CNPY1: variants seen among roughly 807,000 people sequenced by gnomAD.
CNPY1 encodes the protein canopy FGF signaling regulator 1.
Under a neutral mutation model 14.4 loss-of-function variants are expected in CNPY1, and 14 were observed. The observed-to-expected ratio is 0.97, with a 90% confidence interval of 0.64 to 1.52. The LOEUF is 1.52. Ranked by LOEUF, CNPY1 falls within the 40% of genes most tolerant of loss-of-function variation. The pLI, the probability that CNPY1 is intolerant of heterozygous loss-of-function variation, is 0.00. For missense variants in CNPY1, 129 were observed against 131.5 expected, an observed-to-expected ratio of 0.98 and a Z score of 0.09; for synonymous variants, 43 against 46.5, an observed-to-expected ratio of 0.92 and a Z score of 0.31.
At chr7:155,505,782 T>C (rs1469492174) in intron 4 of CNPY1, among the ~76,000 whole-genome samples, 1 of 152,246 alleles carries the variant, frequency 6.6e-6, no homozygotes, top group African/African-American at 2.4e-5. Context: ...TAAAAACATT[T>C]CCTGTGGGAA....
chr7:155,522,059 G>A (rs1018190727), intron 2 of CNPY1, among the ~76,000 whole-genome samples: 3 of 152,188 alleles, frequency 2.0e-5, no homozygotes, highest in Non-Finnish European at 4.4e-5. Flanking sequence ...GAACACGCAC[G>A]TGCACACACG....
chr7:155,546,438 C>T lies in CNPY1; in HGVS notation c.-24G>A, dbSNP rs1360484206. On this transcript the variant is annotated 5_prime_UTR_variant, in exon 1 of 5. Transcript: ENST00000636446. ...CAAGCCATCCTCCTACCTTGGCCTC[C>T]TGAATTGCTGGGATTACAAGTATCA... The T allele has an allele frequency of 2.5e-6, 1 of 398,210 alleles. No individual in the cohort carries two copies. The highest frequency in any genetic ancestry group is 4.4e-6 in the Non-Finnish European group (1 of 226,034). The allele number at this position is 398,210 out of a possible 1,614,324, so 24.7% of individuals were successfully genotyped here.
intron 2 of CNPY1, among the ~76,000 whole-genome samples, chr7:155,518,775 G>A (rs1796666855): frequency 6.6e-6 from 1 of 152,228 alleles, no homozygotes; most frequent in South Asian, 2.1e-4. Context: ...CCAGGTGGGA[G>A]AGTGGTGTCC....
chr7:155,510,470 C>T (rs533354721), intron 2 of CNPY1: 4 of 152,256 alleles, frequency 2.6e-5, no homozygotes, highest in East Asian at 1.9e-4. Flanking sequence ...TGCGCCTCCC[C>T]TGTGCACAGG....
At chr7:155,540,303 A>G (rs1007467664) in intron 2 of CNPY1, among the ~76,000 whole-genome samples, 4 of 152,200 alleles carry the variant, frequency 2.6e-5, no homozygotes, top group African/African-American at 9.6e-5. Flanking sequence ...TTGCCAAAGC[A>G]CCGTGCACTG....
At chr7:155,504,476 G>C (rs1017218608) in intron 4 of CNPY1, among the ~76,000 whole-genome samples, 3 of 151,912 alleles carry the variant, frequency 2.0e-5, no homozygotes, top group Admixed American at 6.5e-5. Flanking sequence ...TCTACATTAA[G>C]AAGAAAAAAA....
At chr7:155,529,232 G>A (rs978043383) in intron 2 of CNPY1, among the ~76,000 whole-genome samples, 6 of 152,244 alleles carry the variant, frequency 3.9e-5, no homozygotes, top group South Asian at 2.1e-4. Context: ...CCAGAAGTCC[G>A]ACGTTCTACG....
At position 155,545,661 on chromosome 7, in the gene CNPY1, T is replaced by C. The variant is rs191997430; in HGVS notation, c.99+170A>G. 2.5e-3 allele frequency among the ~76,000 whole-genome samples: 378 copies of C among 152,354 alleles called. 2 individuals carry two copies. The highest frequency in any genetic ancestry group is 4.8e-3 in the Non-Finnish European group (325 of 68,030). On this transcript the variant is annotated intron_variant, in intron 2 of 4. Transcript: ENST00000636446. ...TTAGGTGCTGAGAGAGATACTTCAATTTCAAGCTTAAAGATTACTTTGGGT... is the reference window on the plus strand; with the variant it reads ...TTAGGTGCTGAGAGAGATACTTCAACTTCAAGCTTAAAGATTACTTTGGGT...
intron 2 of CNPY1, among the ~76,000 whole-genome samples, chr7:155,544,014 G>C (rs1456674780): frequency 6.6e-6 from 1 of 152,236 alleles, no homozygotes; most frequent in African/African-American, 2.4e-5. Context: ...GAAAGCAGGG[G>C]AGGGTGTGGC....
intron 2 of CNPY1, among the ~76,000 whole-genome samples, chr7:155,534,293 A>G (rs116153775): frequency 0.035 from 5,378 of 152,084 alleles, 317 homozygotes; most frequent in African/African-American, 0.12. Flanking sequence ...ACACACACAC[A>G]CTCACACGTG....
chr7:155,523,590 C>T (rs982571249), intron 2 of CNPY1, among the ~76,000 whole-genome samples: 1 of 152,004 alleles, frequency 6.6e-6, no homozygotes, highest in Non-Finnish European at 1.5e-5. Context: ...TGGGTCGGTG[C>T]CCCCAACACC....
chr7:155,539,047 G>A (rs538325654), intron 2 of CNPY1, among the ~76,000 whole-genome samples: 56 of 152,160 alleles, frequency 3.7e-4, no homozygotes, highest in African/African-American at 1.2e-3. Context: ...TTTCTTTGTC[G>A]CTCCCCACCC....
chr7:155,542,047 G>A (rs553210759), intron 2 of CNPY1, among the ~76,000 whole-genome samples: 3 of 152,124 alleles, frequency 2.0e-5, no homozygotes, highest in Admixed American at 6.5e-5. Context: ...GCAGGGTCGG[G>A]GGGGCAGAAG....
At chr7:155,527,054 C>CTTTCTTTCTTTT (rs56296833) in intron 2 of CNPY1, among the ~76,000 whole-genome samples, 2,550 of 90,334 alleles carry the variant, frequency 0.028, 103 homozygotes, top group African/African-American at 0.065. Flanking sequence ...TTCTTTCTTT[C>CTTTCTTTCTTTT]TTTTTTTTTT....
chr7:155,503,726 G>T (rs967450391), intron 4 of CNPY1, among the ~76,000 whole-genome samples: 1 of 152,070 alleles, frequency 6.6e-6, no homozygotes, highest in African/African-American at 2.4e-5. Context: ...ATCTTCATAC[G>T]CTGCATTTGA....
At position 155,533,576 on chromosome 7, in the gene CNPY1, G is replaced by T. The variant is rs139753297; in HGVS notation, c.99+12255C>A. On this transcript the variant is annotated intron_variant, in intron 2 of 4. Coordinates refer to ENST00000636446, the MANE Select transcript of CNPY1 (RefSeq NM_001393663.1). ...CCCCGCAGCACCAGCAGGGCCCGTC[G>T]CTTCGCTCCGTCCCGGTCCGGCGTG... is the stretch of plus-strand genomic sequence containing the variant. Among the ~76,000 whole-genome samples, 1,216 of 152,310 alleles carry T rather than the reference G, an allele frequency of 8.0e-3. 16 individuals carry two copies. The highest frequency in any genetic ancestry group is 0.028 in the African/African-American group (1,160 of 41,562).
intron 2 of CNPY1, among the ~76,000 whole-genome samples, chr7:155,545,377 C>G (rs1797146562): frequency 6.6e-6 from 1 of 152,202 alleles, no homozygotes; most frequent in Admixed American, 6.5e-5. Context: ...ACGTTTCTTC[C>G]TTCTCCATAG....
chr7:155,506,676 G>C, intron 4 of CNPY1: 1 of 227,846 alleles, frequency 4.4e-6, no homozygotes, highest in Non-Finnish European at 8.4e-6. Flanking sequence ...CCTGGTCCAG[G>C]ATGGAAAAAT....
chr7:155,544,128 G>A (rs1041323448), intron 2 of CNPY1, among the ~76,000 whole-genome samples: 3 of 152,222 alleles, frequency 2.0e-5, no homozygotes, highest in Non-Finnish European at 4.4e-5. Context: ...CAAGGATGCA[G>A]TGTGAATTTG....
Sources: allele counts gnomAD v4.1 joint callset (sites outside exome capture counted in the v4.1 genomes callset), GRCh38; gene constraint gnomAD v4.1.1; transcripts MANE v1.5; gene names NCBI Gene and HGNC (gene_info 2026-07-23, HGNC 2026-07-21).